FLRT1: variants seen among roughly 807,000 people sequenced by gnomAD.
FLRT1 encodes the protein leucine-rich repeat transmembrane protein FLRT1.
Under a neutral mutation model 30.9 loss-of-function variants are expected in FLRT1, and 14 were observed. The observed-to-expected ratio is 0.45, with a 90% CI of 0.30 to 0.71. The LOEUF is 0.71. Ranked by LOEUF, FLRT1 falls within the 30% of genes least tolerant of loss-of-function variation. The pLI, the probability that FLRT1 is intolerant of heterozygous loss-of-function variation, is 0.08. For synonymous variants in FLRT1, 368 were observed against 430.4 expected, an observed-to-expected ratio of 0.85 and a Z score of 1.80; for missense variants, 737 against 949.2, an observed-to-expected ratio of 0.78 and a Z score of 2.94.
At chr11:64,075,725 C>T (rs4436549) in intron 1 of FLRT1, among the ~76,000 whole-genome samples, 1,830 of 152,300 alleles carry the variant, frequency 0.012, 21 homozygotes, top group Middle Eastern at 0.041. Flanking sequence ...CAGGCTGGAG[C>T]GCAGTGGCAC....
At chr11:64,076,801 C>T (rs531343583) in intron 1 of FLRT1, among the ~76,000 whole-genome samples, 9 of 152,176 alleles carry the variant, frequency 5.9e-5, no homozygotes, top group Admixed American at 1.3e-4. Context: ...TCTGGGCTCC[C>T]GTCCCTCCTA....
chr11:64,101,155 A>C (rs1944663801), intron 1 of FLRT1, among the ~76,000 whole-genome samples: 1 of 152,014 alleles, frequency 6.6e-6, no homozygotes, highest in African/African-American at 2.4e-5. Flanking sequence ...GGGAGGGATG[A>C]CGTCTGCATG....
intron 1 of FLRT1, among the ~76,000 whole-genome samples, chr11:64,060,937 C>G (rs1004639482): frequency 6.6e-6 from 1 of 151,322 alleles, no homozygotes; most frequent in East Asian, 2.0e-4. Context: ...GCATGCGCAC[C>G]GCGGCGGCGG....
chr11:64,065,572 G>A (rs760833571), intron 1 of FLRT1, among the ~76,000 whole-genome samples: 11 of 152,074 alleles, frequency 7.2e-5, no homozygotes, highest in South Asian at 2.1e-4. Context: ...GGCGAATCAC[G>A]AGGTCAGGAG....
chr11:64,098,204 TC>T (rs978114286), intron 1 of FLRT1, among the ~76,000 whole-genome samples: 2 of 152,006 alleles, frequency 1.3e-5, no homozygotes, highest in African/African-American at 4.8e-5. Flanking sequence ...CCTCACAGCC[TC>T]CCCCCTGCCC....
chr11:64,105,544 G>C (rs543663432), intron 2 of FLRT1, among the ~76,000 whole-genome samples: 5 of 152,300 alleles, frequency 3.3e-5, no homozygotes, highest in African/African-American at 9.6e-5. Context: ...CAGCTGGAGA[G>C]AGCATTCTAT....
intron 1 of FLRT1, among the ~76,000 whole-genome samples, chr11:64,069,924 T>C (rs527922776): frequency 3.3e-5 from 5 of 151,972 alleles, no homozygotes; most frequent in Non-Finnish European, 7.4e-5. Context: ...AGAAGGCACA[T>C]GTCACCCTGA....
intron 1 of FLRT1, among the ~76,000 whole-genome samples, chr11:64,057,003 C>A (rs79749451): frequency 3.3e-5 from 5 of 152,172 alleles, no homozygotes; most frequent in Non-Finnish European, 1.5e-5. Flanking sequence ...TCAGCTTCTG[C>A]GCCCGTGTCA....
chr11:64,039,460 A>G (rs1176571505), intron 1 of FLRT1, among the ~76,000 whole-genome samples: 1 of 152,042 alleles, frequency 6.6e-6, no homozygotes, highest in African/African-American at 2.4e-5. Context: ...TCTGCCGGAG[A>G]CAAAGTTCAG....
At chr11:64,051,535 G>A (rs551295787) in intron 1 of FLRT1, among the ~76,000 whole-genome samples, 2 of 152,304 alleles carry the variant, frequency 1.3e-5, no homozygotes, top group African/African-American at 4.8e-5. Context: ...GCTGTCGGCC[G>A]GGCAGGCTAA....
chr11:64,110,843 AG>A (rs1395972755), intron 2 of FLRT1, among the ~76,000 whole-genome samples: 8 of 152,218 alleles, frequency 5.3e-5, no homozygotes, highest in African/African-American at 1.7e-4. Flanking sequence ...AAAGGCAAGC[AG>A]GCACCCAGGC....
intron 1 of FLRT1, among the ~76,000 whole-genome samples, chr11:64,091,473 C>A (rs564018080): frequency 9.8e-6 from 1 of 102,502 alleles, no homozygotes. Context: ...ATGTGGGGGA[C>A]GAGCCTACAG....
intron 1 of FLRT1, among the ~76,000 whole-genome samples, chr11:64,069,814 G>A (rs748642120): frequency 6.6e-6 from 1 of 152,204 alleles, no homozygotes. Context: ...GACGCAACAG[G>A]CTTCTTATCG....
intron 1 of FLRT1, among the ~76,000 whole-genome samples, chr11:64,051,555 G>A (rs900626252): frequency 1.3e-5 from 2 of 152,230 alleles, no homozygotes; most frequent in African/African-American, 2.4e-5. Flanking sequence ...ACAGCTGTTT[G>A]TGCAGAGACT....
At chr11:64,069,149 G>C (rs1355544761) in intron 1 of FLRT1, among the ~76,000 whole-genome samples, 3 of 152,202 alleles carry the variant, frequency 2.0e-5, no homozygotes, top group Non-Finnish European at 2.9e-5. Flanking sequence ...CCCAACCTTC[G>C]ATTGCAGGGG....
chr11:64,114,894 A>G (rs1944947897), intron 2 of FLRT1, among the ~76,000 whole-genome samples: 1 of 152,212 alleles, frequency 6.6e-6, no homozygotes, highest in Admixed American at 6.5e-5. Context: ...GGGTCCTGCA[A>G]GAGTAGCTTG....
intron 1 of FLRT1, among the ~76,000 whole-genome samples, chr11:64,057,096 C>G (rs1565212572): frequency 6.6e-6 from 1 of 152,360 alleles, no homozygotes; most frequent in South Asian, 2.1e-4. Context: ...TCTCACGAAA[C>G]AGGGCTTCCT....
In FLRT1 at chr11:64,080,595, G is replaced by A. The variant is rs117787819; in HGVS notation, c.-1037-22599G>A. On this transcript the variant is annotated intron_variant, in intron 1 of 2. Transcript: ENST00000682287. Reference sequence around the variant, plus strand: ...AGACACCCAGTACAGTGCTCAACACGTAGGCGTTCAGCAAGGGAGGGTTAC... The same window carrying A: ...AGACACCCAGTACAGTGCTCAACACATAGGCGTTCAGCAAGGGAGGGTTAC... Among the ~76,000 whole-genome samples, 102 of 152,342 alleles carry A rather than the reference G, an allele frequency of 6.7e-4. 1 individual carries two copies. The East Asian group carries it at 0.015, about 23-fold the overall frequency.
At chr11:64,065,873 C>A (rs148615810) in intron 1 of FLRT1, among the ~76,000 whole-genome samples, 69 of 152,060 alleles carry the variant, frequency 4.5e-4, no homozygotes, top group Non-Finnish European at 8.5e-4. Context: ...TCGCAACAAC[C>A]ATTCACCCCA....
Sources: gnomAD v4.1 joint callset for allele counts (sites outside exome capture counted in the v4.1 genomes callset) on GRCh38, gnomAD v4.1.1 for gene constraint, MANE v1.5 for transcripts, NCBI Gene and HGNC (gene_info 2026-07-23, HGNC 2026-07-21) for gene names.